PDE4C: variants seen among roughly 807,000 people sequenced by gnomAD.
PDE4C encodes 3',5'-cyclic-AMP phosphodiesterase 4C.
PDE4C carries 50 observed loss-of-function variants against 63.9 expected under a neutral mutation model. That is an observed-to-expected ratio of 0.78 (90% CI 0.62 to 0.99). The LOEUF is 0.99. Among genes scored for constraint, PDE4C ranks in the 50% least tolerant of loss-of-function variants. The pLI is 0.00. For synonymous variants in PDE4C, 377 were observed against 385.1 expected (o/e 0.98, Z 0.25); for missense variants, 777 against 899.1 (o/e 0.86, Z 1.74).
At chr19:18,242,230 C>A (rs1173962043) in intron 1 of PDE4C, among the ~76,000 whole-genome samples, 1 of 149,652 alleles carries the variant, frequency 6.7e-6, no homozygotes, top group Non-Finnish European at 1.5e-5. Context: ...AATCCCAGCA[C>A]TTTGGGAGGC....
chr19:18,250,664 T>C (rs962534252), upstream of PDE4C, among the ~76,000 whole-genome samples: 7 of 152,096 alleles, frequency 4.6e-5, no homozygotes, highest in African/African-American at 1.2e-4. Flanking sequence ...TGGAGTGCAG[T>C]AGTGCAATCA....
At chr19:18,211,714 T>C in intron 14 of PDE4C, 45 bp downstream of exon 14, 1 of 1,605,752 alleles carries the variant, frequency 6.2e-7, no homozygotes, top group Non-Finnish European at 8.5e-7. Flanking sequence ...CCCCTCCTTT[T>C]ACTTCCTCCC....
intron 13 of PDE4C, among the ~76,000 whole-genome samples, chr19:18,212,385 G>A (rs1967990197): frequency 6.6e-6 from 1 of 151,850 alleles, no homozygotes; most frequent in Non-Finnish European, 1.5e-5. Context: ...GTGTTGCCCA[G>A]GCTGGTCTCA....
At chr19:18,250,048 G>A, upstream of PDE4C, 1 of 398,704 alleles carries the variant, frequency 2.5e-6, no homozygotes, top group Non-Finnish European at 4.4e-6. Flanking sequence ...ATGAATGGTA[G>A]GGGCTTTATT....
At chr19:18,245,162 GTT>G (rs1249998365) in intron 1 of PDE4C, among the ~76,000 whole-genome samples, 4 of 149,704 alleles carry the variant, frequency 2.7e-5, no homozygotes, top group Non-Finnish European at 5.9e-5. Flanking sequence ...TTGTTTGTTT[GTT>G]TGTTTGTTTG....
upstream of PDE4C, among the ~76,000 whole-genome samples, chr19:18,250,756 A>C (rs1354382296): frequency 6.2e-5 from 9 of 145,206 alleles, no homozygotes; most frequent in African/African-American, 2.0e-4. Flanking sequence ...ACAGGCATGC[A>C]CCACCATGCC....
At chr19:18,226,971 G>A (rs79005043), upstream of PDE4C, among the ~76,000 whole-genome samples, 186 of 152,132 alleles carry the variant, frequency 1.2e-3, no homozygotes, top group South Asian at 0.031. Flanking sequence ...AGCCTTCCTC[G>A]GCACGTCCCT....
intron 2 of PDE4C, 80 bp from the exon 3 acceptor site, chr19:18,221,377 G>A: frequency 7.0e-7 from 1 of 1,419,144 alleles, no homozygotes; most frequent in South Asian, 1.3e-5. Flanking sequence ...TCAACTGAGG[G>A]GGTCCTGCTC....
At chr19:18,222,385 C>A in intron 1 of PDE4C, 62 bp from the exon 2 acceptor site, 1 of 1,496,336 alleles carries the variant, frequency 6.7e-7, no homozygotes, top group Non-Finnish European at 9.1e-7. Flanking sequence ...CGGGTCGTGG[C>A]CACCTTGTCT....
At chr19:18,248,180 G>A (rs972828542) in exon 1 of PDE4C, 3 of 456,220 alleles carry the variant, frequency 6.6e-6, no homozygotes, top group Admixed American at 2.4e-5. Context: ...CCACCACTGC[G>A]GAGTCCTGCC....
chr19:18,211,218 T>C (rs960606454), exon 15 of PDE4C: 17 of 1,612,738 alleles, frequency 1.1e-5, no homozygotes, highest in Non-Finnish European at 1.4e-5. Flanking sequence ...TGCATCTGGG[T>C]GGACCAGGTC....
At chr19:18,232,919 G>A in intron 1 of PDE4C, 3 of 1,387,322 alleles carry the variant, frequency 2.2e-6, no homozygotes, top group Non-Finnish European at 2.8e-6. Context: ...CCTCCCCCGC[G>A]CTGCAGGAGG....
rs1378325523 is a variant in PDE4C at position 18,220,840 on chromosome 19, C to G, written c.499+34G>C. ...CTATGGAAAGGAAGCTCCCAGCTGT[C>G]CTCAGCGGGGGAGGGAAGGAACAGG... On this transcript the variant is annotated intron_variant, in intron 5 of 14. Transcript: ENST00000262805. The surrounding 1 kb of genome is among the most constrained non-coding windows in gnomAD (Gnocchi z 5.1). 6.3e-7 allele frequency: 1 copy of G among 1,593,200 alleles called. No homozygotes were observed.
chr19:18,224,521 G>T, intron 1 of PDE4C: 4 of 985,446 alleles, frequency 4.1e-6, no homozygotes, highest in Non-Finnish European at 4.8e-6. Context: ...GAGTTTGTTC[G>T]ATGAGTTCGG....
chr19:18,226,467 C>T, exon 1 of PDE4C: 1 of 1,326,784 alleles, frequency 7.5e-7, no homozygotes, highest in East Asian at 3.2e-5. Flanking sequence ...GGGACCTTTT[C>T]TGGACAGCTG....
intron 14 of PDE4C, 77 bp downstream of exon 14, chr19:18,211,682 A>T (rs987582610): frequency 5.2e-6 from 8 of 1,537,488 alleles, no homozygotes; most frequent in Non-Finnish European, 7.2e-6. Context: ...GGGCCAAACC[A>T]GGGCTCGTGG....
rs373661564 is a variant in PDE4C, at chr19:18,222,300, G to A, written c.170C>T (p.Ser57Leu). 14 of 1,611,090 alleles carry A rather than the reference G, an allele frequency of 8.7e-6. No homozygotes were observed. In the East Asian group the frequency reaches 1.6e-4, roughly 18 times the overall value. ...AGGGTCCAGGGCCCTCCTCCCACAC[G>A]AGAGCCCATTTTCCAGGTCAAAGCT... Residue 57 changes from serine to leucine, a missense_variant, in exon 2 of 15, where the codon TCG (serine) becomes TTG (leucine). By Grantham distance (145) the Ser-to-Leu change is moderately radical. Coordinates refer to ENST00000262805, the Ensembl canonical transcript of PDE4C.
At chr19:18,211,997 G>A in intron 13 of PDE4C, 56 bp from the exon 14 acceptor site, 3 of 1,560,882 alleles carry the variant, frequency 1.9e-6, no homozygotes, top group Non-Finnish European at 1.8e-6. Flanking sequence ...ACCTAGACCT[G>A]GCACCTCCAC....
At chr19:18,216,752 C>T in exon 12 of PDE4C, 2 of 1,606,278 alleles carry the variant, frequency 1.2e-6, no homozygotes, top group Non-Finnish European at 1.7e-6. Context: ...ATGTCAATGA[C>T]CATCCTGCGC....
Sources: gnomAD v4.1 joint callset for allele counts (sites outside exome capture counted in the v4.1 genomes callset) on GRCh38, gnomAD v4.1.1 for gene constraint, Gnocchi (gnomAD v3.1) non-coding constraint, MANE v1.5 for transcripts, NCBI Gene and HGNC (gene_info 2026-07-23, HGNC 2026-07-21) for gene names.